The following BACE2 variants were observed in gnomAD, a reference collection of about 807,000 sequenced individuals.
BACE2 encodes the protein beta-secretase 2.
In BACE2, 17 loss-of-function variants were observed where a neutral mutation model predicts 46.2. That is an observed-to-expected ratio of 0.37 (90% confidence interval 0.25 to 0.55). BACE2 has a LOEUF of 0.55. Ranked by LOEUF, BACE2 falls within the 20% of genes least tolerant of loss-of-function variation. BACE2 has a pLI of 0.82. For missense variants in BACE2, 595 were observed against 698.1 expected (o/e 0.85, Z 1.66); for synonymous variants, 277 against 295.9 (o/e 0.94, Z 0.66).
At chr21:41,272,278 G>A (rs1043697876) in intron 8 of BACE2, among the ~76,000 whole-genome samples, 36 of 151,770 alleles carry the variant, frequency 2.4e-4, no homozygotes, top group Admixed American at 1.8e-3. Context: ...TCAGCAGTGC[G>A]CTATTATAAT....
intron 8 of BACE2, among the ~76,000 whole-genome samples, chr21:41,269,986 A>G (rs9976426): frequency 6.6e-6 from 1 of 152,022 alleles, no homozygotes; most frequent in African/African-American, 2.4e-5. Flanking sequence ...CAGTTGTTAA[A>G]CATCCTCACC....
At chr21:41,188,457 A>C (rs953121372) in intron 1 of BACE2, among the ~76,000 whole-genome samples, 5 of 152,198 alleles carry the variant, frequency 3.3e-5, no homozygotes, top group Non-Finnish European at 7.3e-5. Flanking sequence ...AGAGGCTGCC[A>C]AATCCAGTTT....
chr21:41,261,386 T>C (rs1461285901), intron 8 of BACE2, among the ~76,000 whole-genome samples: 1 of 152,194 alleles, frequency 6.6e-6, no homozygotes, highest in Non-Finnish European at 1.5e-5. Flanking sequence ...TTTTGGGATG[T>C]TTGAGCTTCT....
At chr21:41,202,221 G>T (rs1024359039) in intron 1 of BACE2, among the ~76,000 whole-genome samples, 1 of 152,190 alleles carries the variant, frequency 6.6e-6, no homozygotes, top group African/African-American at 2.4e-5. Context: ...TTTGATTAGG[G>T]GATTGTTGAA....
chr21:41,240,492 C>T (rs1987254435), intron 3 of BACE2, among the ~76,000 whole-genome samples: 1 of 152,222 alleles, frequency 6.6e-6, no homozygotes, highest in African/African-American at 2.4e-5. Context: ...CATTTAAGCC[C>T]CAGAGCGGCT....
At chr21:41,179,066 G>A in intron 1 of BACE2, 1 of 1,153,486 alleles carries the variant, frequency 8.7e-7, no homozygotes, top group Non-Finnish European at 1.1e-6. Context: ...GTGAAGACTT[G>A]AGGGTGTCAG....
At chr21:41,200,775 A>T (rs750448) in intron 1 of BACE2, among the ~76,000 whole-genome samples, 12,785 of 152,188 alleles carry the variant, frequency 0.084, 1,696 homozygotes, top group African/African-American at 0.28. Context: ...AAGAAGCAGC[A>T]AGAGGAGCAA....
rs2088512577 is a variant in BACE2, at chr21:41,278,474, G to T, written c.*2850G>T. Reference sequence around the variant, plus strand: ...CACTCAAGAAACAGATGCCCTGTGTGTGACCGAGGGGAGTGTTTTTCCACA... The same window carrying T: ...CACTCAAGAAACAGATGCCCTGTGTTTGACCGAGGGGAGTGTTTTTCCACA... On this transcript the variant is annotated 3_prime_UTR_variant, in exon 9 of 9. Transcript: ENST00000330333. The T allele has an allele frequency of 6.6e-6, 1 of 152,212 alleles. No homozygotes were observed. Among genetic ancestry groups the T allele is most frequent in the Non-Finnish European group, 1.5e-5 (1 of 68,046 alleles). The allele number at this position is 152,212 out of a possible 1,614,324, so 9.4% of individuals were successfully genotyped here.
At chr21:41,221,838 A>AAAAAG (rs1164037914) in intron 1 of BACE2, among the ~76,000 whole-genome samples, 2 of 144,428 alleles carry the variant, frequency 1.4e-5, no homozygotes, top group African/African-American at 5.8e-5. Flanking sequence ...AAAAAAAAAA[A>AAAAAG]AAAAAAAAAA....
intron 1 of BACE2, among the ~76,000 whole-genome samples, chr21:41,169,967 G>A (rs1984546360): frequency 6.6e-6 from 1 of 152,188 alleles, no homozygotes; most frequent in South Asian, 2.1e-4. Flanking sequence ...CTGGTGCTGA[G>A]AACCTTGGAA....
chr21:41,251,941 C>T (rs963678584), intron 7 of BACE2, among the ~76,000 whole-genome samples: 8 of 152,208 alleles, frequency 5.3e-5, no homozygotes, highest in African/African-American at 1.7e-4. Flanking sequence ...ATGAAATGGA[C>T]CACGTCTGTC....
intron 3 of BACE2, among the ~76,000 whole-genome samples, chr21:41,239,339 A>G (rs901044625): frequency 7.9e-5 from 12 of 152,122 alleles, no homozygotes; most frequent in Admixed American, 5.9e-4. Flanking sequence ...TGTGAGGCAT[A>G]CTTTGTAAGG....
At chr21:41,173,136 G>T (rs564701760) in intron 1 of BACE2, among the ~76,000 whole-genome samples, 2 of 152,330 alleles carry the variant, frequency 1.3e-5, no homozygotes, top group East Asian at 3.9e-4. Context: ...AGGTACCGGA[G>T]TTACGTCTTC....
intron 3 of BACE2, among the ~76,000 whole-genome samples, chr21:41,239,470 C>T (rs1183674695): frequency 6.6e-6 from 1 of 152,120 alleles, no homozygotes; most frequent in Non-Finnish European, 1.5e-5. Flanking sequence ...CTCTAGCTCC[C>T]GGGTTCAAGT....
intron 1 of BACE2, among the ~76,000 whole-genome samples, chr21:41,174,491 G>A (rs1017352529): frequency 2.6e-5 from 4 of 152,114 alleles, no homozygotes; most frequent in African/African-American, 4.8e-5. Context: ...TCCCAGGGGT[G>A]GAGAGGGAGG....
chr21:41,239,584 G>A (rs1490764497), intron 3 of BACE2, among the ~76,000 whole-genome samples: 3 of 152,114 alleles, frequency 2.0e-5, no homozygotes, highest in Non-Finnish European at 2.9e-5. Context: ...CACTATGTTG[G>A]CCAGGCTGGT....
Position 41,246,020 on chromosome 21 carries a change from A to C in BACE2, c.941A>C (p.Lys314Thr), listed in dbSNP as rs1987459697. Residue 314 changes from lysine (K) to threonine (T), a missense_variant, in exon 6 of 9, where the codon AAG becomes ACG. By Grantham distance (78) the Lys-to-Thr change is moderately conservative. This residue lies in a region of BACE2 where 343 missense variants were observed against 419.4 expected (regional missense o/e 0.82). Transcript: ENST00000330333. ...ACCACGCTGCTGCGCCTGCCCCAGAAGGTGTTTGATGCGGTGGTGGAAGCT... is the reference window on the plus strand; with the variant it reads ...ACCACGCTGCTGCGCCTGCCCCAGACGGTGTTTGATGCGGTGGTGGAAGCT... Reference protein sequence around the residue: ...SGTTLLRLPQKVFDAVVEAVA... With the variant: ...SGTTLLRLPQTVFDAVVEAVA... 6.2e-7 allele frequency: 1 copy of C among 1,611,274 alleles called. No homozygotes were observed. The highest frequency in any genetic ancestry group is 2.2e-5 in the East Asian group (1 of 44,792).
chr21:41,236,273 G>C (rs1174714285), intron 2 of BACE2, among the ~76,000 whole-genome samples: 1 of 152,162 alleles, frequency 6.6e-6, no homozygotes, highest in African/African-American at 2.4e-5. Context: ...GAGAGCCCCA[G>C]GTCTCACTGT....
At chr21:41,231,998 A>G (rs1986977728) in intron 2 of BACE2, among the ~76,000 whole-genome samples, 1 of 151,444 alleles carries the variant, frequency 6.6e-6, no homozygotes, top group Admixed American at 6.6e-5. Context: ...CCCAGAGAAT[A>G]TGAATATGAA....
Sources: gnomAD v4.1 joint callset for allele counts (sites outside exome capture counted in the v4.1 genomes callset) on GRCh38, gnomAD v4.1.1 for gene constraint, gnomAD v4.1.1 regional missense constraint, MANE v1.5 for transcripts, NCBI Gene and HGNC (gene_info 2026-07-23, HGNC 2026-07-21) for gene names.